Variants in UBE2K observed in about 807,000 individuals in gnomAD.
UBE2K encodes ubiquitin-conjugating enzyme E2 K.
Under a neutral mutation model 30.0 loss-of-function variants are expected in UBE2K, and 6 were observed. The observed-to-expected ratio is 0.20, with a 90% CI of 0.11 to 0.39. The LOEUF is 0.39. UBE2K is among the 10% of genes least tolerant of loss of function. UBE2K has a pLI of 1.00. For synonymous variants in UBE2K, 86 were observed against 83.7 expected, an observed-to-expected ratio of 1.03 and a Z score of -0.15; for missense variants, 61 against 241.6, an observed-to-expected ratio of 0.25 and a Z score of 4.96.
intron 1 of UBE2K, among the ~76,000 whole-genome samples, chr4:39,702,213 TTTC>T (rs1264030428): frequency 2.6e-5 from 2 of 76,144 alleles, no homozygotes; most frequent in African/African-American, 5.0e-5. Flanking sequence ...AACATTTTCT[TTTC>T]TTTTCTTTTC....
intron 1 of UBE2K, among the ~76,000 whole-genome samples, chr4:39,716,187 C>G (rs1055142404): frequency 6.6e-6 from 1 of 152,148 alleles, no homozygotes; most frequent in Admixed American, 6.6e-5. Context: ...TTTGTTTTCT[C>G]TTTTTTATTC....
At chr4:39,769,217 T>G (rs1712570385) in intron 4 of UBE2K, among the ~76,000 whole-genome samples, 1 of 151,602 alleles carries the variant, frequency 6.6e-6, no homozygotes, top group Admixed American at 6.6e-5. Context: ...CTTTTTGTTT[T>G]TTTTTTTTTT....
intron 1 of UBE2K, among the ~76,000 whole-genome samples, chr4:39,730,615 G>T (rs1372364719): frequency 6.6e-6 from 1 of 151,774 alleles, no homozygotes; most frequent in Non-Finnish European, 1.5e-5. Context: ...CAAAAATTCA[G>T]CAATTAGCCG....
intron 1 of UBE2K, among the ~76,000 whole-genome samples, chr4:39,703,653 C>G (rs922067784): frequency 1.3e-5 from 2 of 151,586 alleles, no homozygotes; most frequent in South Asian, 2.1e-4. Flanking sequence ...TCGAGACCAT[C>G]CTGGCCAACA....
intron 4 of UBE2K, chr4:39,771,469 C>CG (rs1164031770): frequency 4.1e-5 from 62 of 1,530,808 alleles, no homozygotes; most frequent in Non-Finnish European, 5.2e-5. Context: ...GGCCCGGTTC[C>CG]GCGCGCTGTT....
At chr4:39,771,320 C>T in intron 4 of UBE2K, 1 of 1,612,114 alleles carries the variant, frequency 6.2e-7, no homozygotes, top group Non-Finnish European at 8.5e-7. Flanking sequence ...TTGAGGCTGT[C>T]GGCCACAATG....
At chr4:39,760,196 A>AAAAAAAAAAAAAAAAAAAAAAAAG (rs1711827460) in intron 4 of UBE2K, among the ~76,000 whole-genome samples, 2 of 7,912 alleles carry the variant, frequency 2.5e-4, no homozygotes, top group Non-Finnish European at 5.0e-4. Context: ...AAAAAAACAG[A>AAAAAAAAAAAAAAAAAAAAAAAAG]AAAAAAAAAA....
At chr4:39,747,762 G>A (rs918103295) in intron 3 of UBE2K, among the ~76,000 whole-genome samples, 1 of 150,394 alleles carries the variant, frequency 6.6e-6, no homozygotes, top group Non-Finnish European at 1.5e-5. Context: ...GACTACAGGC[G>A]TCTGCTACCT....
At chr4:39,701,444 G>A (rs938404223) in intron 1 of UBE2K, among the ~76,000 whole-genome samples, 10 of 152,068 alleles carry the variant, frequency 6.6e-5, no homozygotes, top group African/African-American at 1.4e-4. Context: ...TTGTTTTTAC[G>A]TTATTGCTAA....
intron 5 of UBE2K, among the ~76,000 whole-genome samples, chr4:39,776,443 G>T (rs1269197978): frequency 6.6e-6 from 1 of 152,026 alleles, no homozygotes. Context: ...ACAAAAACTT[G>T]TTCGTAGCTC....
intron 1 of UBE2K, among the ~76,000 whole-genome samples, chr4:39,711,538 G>A (rs1718682552): frequency 1.3e-5 from 2 of 151,948 alleles, no homozygotes; most frequent in South Asian, 4.2e-4. Flanking sequence ...TTCCATGTCA[G>A]TTTTTAAAGT....
At chr4:39,762,735 A>G (rs976127721) in intron 4 of UBE2K, among the ~76,000 whole-genome samples, 1 of 152,174 alleles carries the variant, frequency 6.6e-6, no homozygotes, top group African/African-American at 2.4e-5. Flanking sequence ...GCTGGGTTCA[A>G]GCGATTCTCC....
intron 4 of UBE2K, among the ~76,000 whole-genome samples, chr4:39,773,059 T>C (rs577962839): frequency 2.0e-5 from 3 of 152,250 alleles, no homozygotes; most frequent in South Asian, 2.1e-4. Context: ...TTTAGACAAA[T>C]ATTAGCTTTA....
chr4:39,726,990 T>C (rs1420415835), intron 1 of UBE2K, among the ~76,000 whole-genome samples: 1 of 152,244 alleles, frequency 6.6e-6, no homozygotes, highest in Non-Finnish European at 1.5e-5. Context: ...TTGTGGATCT[T>C]TAACATACAA....
At chr4:39,758,003 C>G (rs1051505389) in intron 4 of UBE2K, among the ~76,000 whole-genome samples, 13 of 152,284 alleles carry the variant, frequency 8.5e-5, no homozygotes, top group Non-Finnish European at 1.3e-4. Context: ...ATTATCTTCC[C>G]TGAACTTGAG....
At chr4:39,742,613 G>T (rs150311735) in intron 2 of UBE2K, among the ~76,000 whole-genome samples, 1 of 152,026 alleles carries the variant, frequency 6.6e-6, no homozygotes, top group African/African-American at 2.4e-5. Context: ...ATGGTGGCGC[G>T]CACCTGTAGT....
At chr4:39,730,109 T>A (rs143728667) in intron 1 of UBE2K, among the ~76,000 whole-genome samples, 1 of 152,346 alleles carries the variant, frequency 6.6e-6, no homozygotes, top group African/African-American at 2.4e-5. Context: ...ACTTAGTAAA[T>A]ATTCATGGAA....
intron 1 of UBE2K, among the ~76,000 whole-genome samples, chr4:39,702,039 GCA>G (rs1718042392): frequency 1.3e-5 from 2 of 151,820 alleles, no homozygotes; most frequent in Non-Finnish European, 2.9e-5. Context: ...GGGGTTACAG[GCA>G]TGAGCCACCA....
intron 4 of UBE2K, chr4:39,770,374 G>A: frequency 3.1e-6 from 5 of 1,613,362 alleles, no homozygotes; most frequent in Non-Finnish European, 4.2e-6. Context: ...TTGCCACAGC[G>A]AGGGCACATG....
Sources: allele counts gnomAD v4.1 joint callset (sites outside exome capture counted in the v4.1 genomes callset), GRCh38; gene constraint gnomAD v4.1.1; transcripts MANE v1.5; gene names NCBI Gene and HGNC (gene_info 2026-07-23, HGNC 2026-07-21).